The following ADAMTSL1 variants were observed in gnomAD, a reference collection of about 807,000 sequenced individuals.
ADAMTSL1 encodes ADAMTS like 1, also known as ADAMTS-like protein 1.
In ADAMTSL1, 126 loss-of-function variants were observed where a neutral mutation model predicts 201.8. The ratio of observed to expected loss-of-function variants is 0.62; its 90% CI spans 0.54 to 0.72. ADAMTSL1 has a LOEUF of 0.72. Ranked by LOEUF, ADAMTSL1 falls within the 30% of genes least tolerant of loss-of-function variation. ADAMTSL1 has a pLI of 0.00. For synonymous variants in ADAMTSL1, 1,121 were observed against 903.4 expected (o/e 1.24, Z -4.32); for missense variants, 2,679 against 2,277.8 (o/e 1.18, Z -3.59).
At chr9:18,397,613 C>T (rs1817807346) in intron 2 of ADAMTSL1, among the ~76,000 whole-genome samples, 1 of 152,010 alleles carries the variant, frequency 6.6e-6, no homozygotes, top group South Asian at 2.1e-4. Flanking sequence ...AACCAAAACC[C>T]AATACAAGTA....
chr9:18,729,597 T>G (rs1818093538), intron 15 of ADAMTSL1, among the ~76,000 whole-genome samples: 1 of 152,210 alleles, frequency 6.6e-6, no homozygotes, highest in Non-Finnish European at 1.5e-5. Context: ...ACGCTGCCCT[T>G]TAAGATAACT....
At chr9:18,349,634 G>A (rs1443558208) in intron 2 of ADAMTSL1, among the ~76,000 whole-genome samples, 2 of 152,084 alleles carry the variant, frequency 1.3e-5, no homozygotes, top group Non-Finnish European at 2.9e-5. Context: ...TCCTTTTCTA[G>A]TTTCCCTGAA....
intron 4 of ADAMTSL1, among the ~76,000 whole-genome samples, chr9:18,598,758 T>A (rs1824434074): frequency 6.6e-6 from 1 of 152,136 alleles, no homozygotes; most frequent in Non-Finnish European, 1.5e-5. Context: ...CAAGAGCTGG[T>A]GGCTGACTAG....
chr9:18,172,184 G>T (rs1374859710), intron 2 of ADAMTSL1, among the ~76,000 whole-genome samples: 1 of 151,862 alleles, frequency 6.6e-6, no homozygotes, highest in Non-Finnish European at 1.5e-5. Flanking sequence ...GTAGATGATG[G>T]GTTGATGGGT....
At chr9:18,711,837 A>C (rs1304639694) in intron 14 of ADAMTSL1, among the ~76,000 whole-genome samples, 4 of 152,060 alleles carry the variant, frequency 2.6e-5, no homozygotes, top group African/African-American at 9.6e-5. Context: ...CTGCAGACTT[A>C]AATGTCCCTG....
intron 2 of ADAMTSL1, among the ~76,000 whole-genome samples, chr9:18,403,944 T>G (rs1309249652): frequency 6.6e-6 from 1 of 152,208 alleles, no homozygotes. Context: ...GAGCCTTTTA[T>G]GTAAAAATAT....
intron 13 of ADAMTSL1, 28 bp downstream of exon 13, chr9:18,684,828 A>G (rs771301069): frequency 1.3e-6 from 2 of 1,588,668 alleles, no homozygotes; most frequent in Admixed American, 3.6e-5. Flanking sequence ...AGACTGTTCT[A>G]TATTTGAAAC....
chr9:18,046,525 G>A (rs1315641825), intron 1 of ADAMTSL1, among the ~76,000 whole-genome samples: 1 of 152,124 alleles, frequency 6.6e-6, no homozygotes, highest in African/African-American at 2.4e-5. Context: ...ACATCTAGCT[G>A]CAAGGGAGTA....
chr9:18,193,464 G>C (rs1829051814), intron 2 of ADAMTSL1, among the ~76,000 whole-genome samples: 1 of 152,100 alleles, frequency 6.6e-6, no homozygotes, highest in Non-Finnish European at 1.5e-5. Context: ...CTTTGCCTTG[G>C]AAGAAGCCTT....
At chr9:18,107,065 G>A (rs1481992557) in intron 1 of ADAMTSL1, among the ~76,000 whole-genome samples, 3 of 151,976 alleles carry the variant, frequency 2.0e-5, no homozygotes, top group South Asian at 2.1e-4. Context: ...TTTATTCATC[G>A]TTCTTCCCTG....
chr9:18,648,244 A>T (rs1358673337), intron 7 of ADAMTSL1, among the ~76,000 whole-genome samples: 2 of 140,866 alleles, frequency 1.4e-5, no homozygotes, highest in Admixed American at 7.4e-5. Flanking sequence ...TGCTTGGTAG[A>T]TCTTCCTCCA....
chr9:18,323,859 G>A (rs1332599950), intron 2 of ADAMTSL1, among the ~76,000 whole-genome samples: 1 of 152,174 alleles, frequency 6.6e-6, no homozygotes, highest in Non-Finnish European at 1.5e-5. Context: ...GATATGCCAT[G>A]TACGTGGGTT....
At chr9:18,085,580 C>T (rs991572339) in intron 1 of ADAMTSL1, among the ~76,000 whole-genome samples, 2 of 144,314 alleles carry the variant, frequency 1.4e-5, no homozygotes, top group Non-Finnish European at 3.0e-5. Flanking sequence ...TATATACACA[C>T]TGTGTGTGTG....
At chr9:18,210,523 A>G (rs1026898319) in intron 2 of ADAMTSL1, among the ~76,000 whole-genome samples, 6 of 137,956 alleles carry the variant, frequency 4.3e-5, no homozygotes, top group African/African-American at 1.5e-4. Context: ...ATTAATAAAT[A>G]TATATATTAA....
intron 12 of ADAMTSL1, among the ~76,000 whole-genome samples, chr9:18,684,076 G>A (rs759886073): frequency 6.6e-6 from 1 of 152,108 alleles, no homozygotes; most frequent in African/African-American, 2.4e-5. Flanking sequence ...TTTTTCCCAG[G>A]AAGTAACTAG....
At chr9:18,483,292 A>G (rs1346804021) in intron 1 of ADAMTSL1, among the ~76,000 whole-genome samples, 6 of 152,176 alleles carry the variant, frequency 3.9e-5, no homozygotes, top group African/African-American at 1.4e-4. Context: ...AAGAGATTCG[A>G]GTTATATTTA....
chr9:18,097,021 G>T (rs1824281379), intron 1 of ADAMTSL1, among the ~76,000 whole-genome samples: 1 of 152,156 alleles, frequency 6.6e-6, no homozygotes, highest in African/African-American at 2.4e-5. Flanking sequence ...CTTTGTATCA[G>T]ATATACTGTC....
At position 18,041,678 on chromosome 9, in the gene ADAMTSL1, A is replaced by G. The variant is rs191440085; in HGVS notation, c.88-122184A>G. Among the ~76,000 whole-genome samples, 518 of 152,270 alleles carry G rather than the reference A, an allele frequency of 3.4e-3. 1 individual carries two copies. Among genetic ancestry groups the G allele is most frequent in the African/African-American group, 0.012 (485 of 41,562 alleles). On this transcript the variant is annotated intron_variant, in intron 1 of 29. Coordinates refer to the ADAMTSL1 transcript ENST00000680146. ...TGTGGTGTGTGTATATTTAATAATT[A>G]TTCCTAACCAAACTGATAATCTACC...
chr9:18,309,281 C>T (rs1228147441), intron 2 of ADAMTSL1, among the ~76,000 whole-genome samples: 1 of 152,104 alleles, frequency 6.6e-6, no homozygotes. Flanking sequence ...TGGCACAAGA[C>T]AAGGATGCCC....
Sources: gnomAD v4.1 joint callset for allele counts (sites outside exome capture counted in the v4.1 genomes callset) on GRCh38, gnomAD v4.1.1 for gene constraint, MANE v1.5 for transcripts, NCBI Gene and HGNC (gene_info 2026-07-23, HGNC 2026-07-21) for gene names.